MAPK10: variants seen among roughly 807,000 people sequenced by gnomAD.
The protein encoded by MAPK10 is JNK3 alpha protein kinase.
Under a neutral mutation model 59.3 loss-of-function variants are expected in MAPK10, and 25 were observed. That is an observed-to-expected ratio of 0.42 (90% CI 0.31 to 0.59). The LOEUF is 0.59. Among genes scored for constraint, MAPK10 ranks in the 20% least tolerant of loss-of-function variants. MAPK10 has a pLI of 0.15. For missense variants in MAPK10, 351 were observed against 568.9 expected, an observed-to-expected ratio of 0.62 and a Z score of 3.90; for synonymous variants, 190 against 200.5, an observed-to-expected ratio of 0.95 and a Z score of 0.44.
At chr4:86,339,270 G>A (rs756146362) in intron 2 of MAPK10, among the ~76,000 whole-genome samples, 14 of 152,154 alleles carry the variant, frequency 9.2e-5, no homozygotes, top group Non-Finnish European at 2.1e-4. Context: ...AGAGGCTGAG[G>A]CTAAATAAGA....
chr4:86,073,343 A>G (rs1244119307), intron 9 of MAPK10, among the ~76,000 whole-genome samples: 1 of 151,768 alleles, frequency 6.6e-6, no homozygotes, highest in East Asian at 1.9e-4. Context: ...TCAAAAAACC[A>G]GCTCCTGGAT....
At chr4:86,299,980 C>G (rs560178188) in intron 2 of MAPK10, among the ~76,000 whole-genome samples, 5 of 152,162 alleles carry the variant, frequency 3.3e-5, no homozygotes, top group African/African-American at 1.2e-4. Flanking sequence ...GCAACCTCTG[C>G]CTCCTAGGTT....
chr4:86,423,786 T>C (rs1017947831), intron 1 of MAPK10, among the ~76,000 whole-genome samples: 1 of 145,876 alleles, frequency 6.9e-6, no homozygotes, highest in Non-Finnish European at 1.5e-5. Flanking sequence ...TATATATATA[T>C]ATATATATAT....
At chr4:86,453,993 G>A (rs1167737706), upstream of MAPK10, among the ~76,000 whole-genome samples, 2 of 152,144 alleles carry the variant, frequency 1.3e-5, no homozygotes, top group African/African-American at 4.8e-5. Flanking sequence ...CTTGCTGGGT[G>A]GCTAGATTCA....
At chr4:86,102,766 G>A in intron 6 of MAPK10, 1 of 154,282 alleles carries the variant, frequency 6.5e-6, no homozygotes, top group Non-Finnish European at 1.4e-5. Flanking sequence ...TGATCCACCT[G>A]CCTCGGCCTC....
intron 11 of MAPK10, among the ~76,000 whole-genome samples, chr4:86,051,619 T>G (rs776016575): frequency 1.1e-4 from 16 of 152,224 alleles, no homozygotes; most frequent in Admixed American, 2.0e-4. Context: ...ACCACACATA[T>G]TCATTTTCAG....
At chr4:86,422,860 T>C (rs755843925) in intron 1 of MAPK10, among the ~76,000 whole-genome samples, 2 of 152,208 alleles carry the variant, frequency 1.3e-5, no homozygotes, top group African/African-American at 4.8e-5. Flanking sequence ...ACAGGAATTA[T>C]ATTAGGAAGC....
At chr4:86,336,814 G>T (rs1192512878) in intron 2 of MAPK10, among the ~76,000 whole-genome samples, 15 of 113,938 alleles carry the variant, frequency 1.3e-4, no homozygotes, top group Non-Finnish European at 5.1e-5. Context: ...TTTTTGAGAC[G>T]GAGTCTTGCA....
intron 4 of MAPK10, among the ~76,000 whole-genome samples, chr4:86,136,464 A>C (rs972423147): frequency 1.3e-5 from 2 of 151,092 alleles, no homozygotes; most frequent in Admixed American, 6.6e-5. Context: ...GAAATAAAAT[A>C]CTTTACAGAC....
intron 2 of MAPK10, among the ~76,000 whole-genome samples, chr4:86,296,534 GT>G (rs1177423921): frequency 6.6e-6 from 1 of 152,166 alleles, no homozygotes; most frequent in East Asian, 1.9e-4. Flanking sequence ...TTTCTGTTAG[GT>G]GAAATGTTTT....
intron 13 of MAPK10, among the ~76,000 whole-genome samples, chr4:86,021,741 A>C (rs1201283740): frequency 6.6e-6 from 1 of 152,210 alleles, no homozygotes; most frequent in East Asian, 1.9e-4. Context: ...GCAGGTCCTG[A>C]GCCTTGCCCC....
chr4:86,231,721 TC>T (rs1011493215), intron 2 of MAPK10, among the ~76,000 whole-genome samples: 28 of 152,094 alleles, frequency 1.8e-4, no homozygotes, highest in African/African-American at 6.0e-4. Flanking sequence ...AATTCATTTT[TC>T]CCTCACATTT....
chr4:86,517,715 T>C (rs942140087), intron 1 of MAPK10, among the ~76,000 whole-genome samples: 2 of 152,210 alleles, frequency 1.3e-5, no homozygotes, highest in African/African-American at 4.8e-5. Flanking sequence ...AGGGTAATAC[T>C]GGGTTCATAG....
chr4:86,254,964 C>T (rs776630843), intron 2 of MAPK10, among the ~76,000 whole-genome samples: 8 of 151,942 alleles, frequency 5.3e-5, no homozygotes, highest in Non-Finnish European at 8.8e-5. Flanking sequence ...AATGCAGTTC[C>T]TTTATGAAGA....
At chr4:86,507,735 T>C (rs1296622798) in intron 1 of MAPK10, among the ~76,000 whole-genome samples, 3 of 142,466 alleles carry the variant, frequency 2.1e-5, no homozygotes, top group South Asian at 4.5e-4. Flanking sequence ...TACAGTGGTA[T>C]AGAATTATAC....
intron 1 of MAPK10, among the ~76,000 whole-genome samples, chr4:86,467,513 T>TTTTG (rs58369823): frequency 0.44 from 66,751 of 150,832 alleles, 14,934 homozygotes; most frequent in East Asian, 0.54. Flanking sequence ...AAAACAGCAT[T>TTTTG]TTTGTTTGTT....
At chr4:86,121,652 G>A (rs1175996335) in intron 4 of MAPK10, among the ~76,000 whole-genome samples, 1 of 151,984 alleles carries the variant, frequency 6.6e-6, no homozygotes, top group East Asian at 1.9e-4. Flanking sequence ...TTTGATATAT[G>A]TATACATTGC....
intron 2 of MAPK10, among the ~76,000 whole-genome samples, chr4:86,232,258 G>T (rs1386884067): frequency 6.6e-6 from 1 of 152,134 alleles, no homozygotes; most frequent in African/African-American, 2.4e-5. Flanking sequence ...AAAATGACCT[G>T]TTAAGTTTGT....
chr4:86,339,925 G>T (rs553338129), intron 2 of MAPK10, among the ~76,000 whole-genome samples: 2 of 152,172 alleles, frequency 1.3e-5, no homozygotes, highest in African/African-American at 4.8e-5. Flanking sequence ...CTGGAAGGTA[G>T]ATATTCTTAC....
Sources: gnomAD v4.1 joint callset for allele counts (sites outside exome capture counted in the v4.1 genomes callset) on GRCh38, gnomAD v4.1.1 for gene constraint, MANE v1.5 for transcripts, NCBI Gene and HGNC (gene_info 2026-07-23, HGNC 2026-07-21) for gene names.